LMO7: variants seen among roughly 807,000 people sequenced by gnomAD.
The protein encoded by LMO7 is LIM domain only protein 7.
LMO7 carries 120 observed loss-of-function variants against 206.5 expected under a neutral mutation model. That is an observed-to-expected ratio of 0.58 (90% CI 0.50 to 0.68). The LOEUF (loss-of-function observed/expected upper bound fraction) is 0.68, where lower values mean the gene tolerates loss of function less well. Ranked by LOEUF, LMO7 falls within the 30% of genes least tolerant of loss-of-function variation. LMO7 has a pLI of 0.00. For missense variants in LMO7, 1,959 were observed against 1,957.9 expected (o/e 1.00, Z -0.01); for synonymous variants, 706 against 681.5 (o/e 1.04, Z -0.56).
rs188570184 is a variant in LMO7, at chr13:75,662,610, C to T, written c.69+25884C>T. On this transcript the variant is annotated intron_variant, in intron 1 of 30. Transcript: ENST00000377534. ...TTGGGATTACAGGCGTGAGCCACTG[C>T]ACCTGGCAAAACTAAGTTTTTTAAT... is the stretch of plus-strand genomic sequence containing the variant. Among the ~76,000 whole-genome samples the T allele has an allele frequency of 2.5e-3, 364 of 143,346 alleles. 2 individuals are homozygous for T. Among genetic ancestry groups the T allele is most frequent in the South Asian group, 4.5e-3 (21 of 4,658 alleles). 94.0% of individuals were successfully genotyped at this position (143,346 alleles called of 152,430 possible). A position where few individuals can be genotyped will look rare whatever the true frequency, so the allele number is the denominator to read the frequency against.
In LMO7 at chr13:75,751,442, G is replaced by T. The variant is rs141757812; in HGVS notation, c.211-9490G>T. ...CCCAAAGTGCAGGGATTACAGGCATGAGCCACCGCACCTGACCAGCTCTTT... is the reference window on the plus strand; with the variant it reads ...CCCAAAGTGCAGGGATTACAGGCATTAGCCACCGCACCTGACCAGCTCTTT... On this transcript the variant is annotated intron_variant, in intron 3 of 30. Coordinates refer to ENST00000377534, the MANE Select transcript of LMO7 (RefSeq NM_001306080.2). Among the ~76,000 whole-genome samples, 653 of 152,220 alleles carry T rather than the reference G, an allele frequency of 4.3e-3. 6 individuals carry two copies. The highest frequency in any genetic ancestry group is 0.015 in the African/African-American group (627 of 41,538).
At chr13:75,801,960 CT>C (rs1555328376) in intron 7 of LMO7, among the ~76,000 whole-genome samples, 1 of 44,902 alleles carries the variant, frequency 2.2e-5, no homozygotes, top group East Asian at 5.2e-3. Context: ...TCTCTCTCTC[CT>C]CTCTCTCTCT....
chr13:75,702,871 T>G (rs2042374008), intron 1 of LMO7, among the ~76,000 whole-genome samples: 1 of 152,244 alleles, frequency 6.6e-6, no homozygotes, highest in Non-Finnish European at 1.5e-5. Context: ...ATTATTTAAA[T>G]GAAAAGTTAA....
chr13:75,776,160 CGGATAT>C (rs2050378295), intron 4 of LMO7, among the ~76,000 whole-genome samples: 1 of 27,978 alleles, frequency 3.6e-5, no homozygotes, highest in Non-Finnish European at 8.1e-5. Context: ...GTATATATAT[CGGATAT>C]ATATATATAT....
chr13:75,784,420 C>A (rs2052067416), intron 4 of LMO7, among the ~76,000 whole-genome samples: 1 of 152,038 alleles, frequency 6.6e-6, no homozygotes, highest in African/African-American at 2.4e-5. Flanking sequence ...GGGGAGGGTA[C>A]TAATTTTCCT....
intron 1 of LMO7, among the ~76,000 whole-genome samples, chr13:75,646,095 T>C (rs1245526939): frequency 6.6e-6 from 1 of 151,994 alleles, no homozygotes; most frequent in Non-Finnish European, 1.5e-5. Context: ...CCTAATCATC[T>C]CCTCATCTCT....
chr13:75,769,637 TGTTAAAGGAAAAAG>T (rs1217632374), intron 4 of LMO7, among the ~76,000 whole-genome samples: 21 of 152,254 alleles, frequency 1.4e-4, no homozygotes, highest in Non-Finnish European at 1.2e-4. Flanking sequence ...TTTCCTAAGC[TGTTAAAGGAAAAAG>T]TGGGGTTCTT....
intron 1 of LMO7, among the ~76,000 whole-genome samples, chr13:75,657,155 A>C (rs2038134438): frequency 6.6e-6 from 1 of 152,210 alleles, no homozygotes; most frequent in Non-Finnish European, 1.5e-5. Flanking sequence ...GACTGCCAGC[A>C]AACCACCAGC....
At chr13:75,852,864 T>C (rs182349332) in intron 27 of LMO7, among the ~76,000 whole-genome samples, 1 of 152,308 alleles carries the variant, frequency 6.6e-6, no homozygotes, top group Admixed American at 6.5e-5. Flanking sequence ...GTAGTTTAGG[T>C]GAAGTAAAAG....
intron 1 of LMO7, among the ~76,000 whole-genome samples, chr13:75,707,209 T>A (rs1705000409): frequency 6.6e-6 from 1 of 151,722 alleles, no homozygotes; most frequent in Non-Finnish European, 1.5e-5. Context: ...AAGATAACAT[T>A]AAAAATAAGT....
rs189894112 is a variant in LMO7, at chr13:75,847,014, G to A, written c.4150+1635G>A. Among the ~76,000 whole-genome samples the A allele has an allele frequency of 2.1e-4, 30 of 143,442 alleles. No individual in the cohort carries two copies. The East Asian group carries it at 5.4e-3, about 26-fold the overall frequency. The allele number at this position is 143,442 out of a possible 152,430, so 94.1% of individuals were successfully genotyped here. A position where few individuals can be genotyped will look rare whatever the true frequency, so the allele number is the denominator to read the frequency against. Reference sequence around the variant, plus strand: ...CCACTGCACTCCAGCCTGGGTGACGGAGCAGACTCTGTCTCAAAAAAAAAA... The same window carrying A: ...CCACTGCACTCCAGCCTGGGTGACGAAGCAGACTCTGTCTCAAAAAAAAAA... On this transcript the variant is annotated intron_variant, in intron 26 of 30. Coordinates refer to ENST00000377534, the MANE Select transcript of LMO7 (RefSeq NM_001306080.2).
intron 26 of LMO7, 71 bp from the exon 27 acceptor site, chr13:75,849,008 A>T: frequency 2.3e-6 from 2 of 855,876 alleles, no homozygotes; most frequent in Non-Finnish European, 3.8e-6. Context: ...CCTGATCACT[A>T]GTGATGTCAA....
At chr13:75,762,198 G>A (rs983419609) in intron 4 of LMO7, among the ~76,000 whole-genome samples, 2 of 152,104 alleles carry the variant, frequency 1.3e-5, no homozygotes, top group South Asian at 2.1e-4. Context: ...TTAAATGTAC[G>A]TGGGAGGGAT....
intron 3 of LMO7, among the ~76,000 whole-genome samples, chr13:75,743,429 G>A (rs1476741651): frequency 2.6e-5 from 4 of 152,110 alleles, no homozygotes; most frequent in African/African-American, 9.7e-5. Flanking sequence ...ATTCACAATA[G>A]CAAAGACATG....
chr13:75,752,189 T>C (rs1438509492), intron 3 of LMO7, among the ~76,000 whole-genome samples: 2 of 152,116 alleles, frequency 1.3e-5, no homozygotes, highest in African/African-American at 2.4e-5. Context: ...TGGAGTGCAA[T>C]GGCGTGATCT....
intron 10 of LMO7, 126 bp downstream of exon 10, chr13:75,808,325 T>A: frequency 9.0e-7 from 1 of 1,105,836 alleles, no homozygotes; most frequent in Non-Finnish European, 1.3e-6. Flanking sequence ...AAGCATCCCG[T>A]AAAATTTAAT....
In LMO7 at chr13:75,845,348, T is replaced by C. The variant is rs751565588; in HGVS notation, c.4119T>C (p.Thr1373=). ...PGDRNKSRST[T]ELDDYSTNKN... ...TTAGGAATAAATCCAGATCTACTAC[T>C]GAACTGGATGATTACTCCACAAATA... Residue 1373 remains threonine, a synonymous_variant, in exon 26 of 31, where the codon ACT becomes ACC. Coordinates refer to ENST00000377534, the MANE Select transcript of LMO7 (RefSeq NM_001306080.2). 4 of 1,575,300 alleles carry C rather than the reference T, an allele frequency of 2.5e-6. No homozygotes were observed. The highest frequency in any genetic ancestry group is 3.5e-6 in the Non-Finnish European group (4 of 1,148,566).
intron 20 of LMO7, 128 bp downstream of exon 20, chr13:75,838,324 AC>A: frequency 6.5e-7 from 1 of 1,533,746 alleles, no homozygotes; most frequent in Non-Finnish European, 8.8e-7. Context: ...AAGCGACATA[AC>A]CCATTTCCAT....
chr13:75,807,594 T>A lies in LMO7; in HGVS notation c.1311T>A (p.Asn437Lys). Residue 437 changes from asparagine to lysine, a missense_variant, in exon 10 of 31, where the codon AAT becomes AAA. Asn to Lys is a moderately conservative substitution (Grantham distance 94). Transcript: ENST00000377534. ...SGPRLITRRK[N>K]LSYAPGYRRD... ...CAAGGCTCATAACCCGCAGGAAGAA[T>A]CTCTCTTATGCACCAGGCTATAGAA... 1 of 1,613,954 alleles carries A rather than the reference T, an allele frequency of 6.2e-7. No homozygotes were observed. The highest frequency in any genetic ancestry group is 8.5e-7 in the Non-Finnish European group (1 of 1,179,868).
Sources: gnomAD v4.1 joint callset for allele counts (sites outside exome capture counted in the v4.1 genomes callset) on GRCh38, gnomAD v4.1.1 for gene constraint, MANE v1.5 for transcripts, NCBI Gene and HGNC (gene_info 2026-07-23, HGNC 2026-07-21) for gene names.